The following UNC5A variants were observed in gnomAD, a reference collection of about 807,000 sequenced individuals.
The protein encoded by UNC5A is netrin receptor UNC5A.
Under a neutral mutation model 87.4 loss-of-function variants are expected in UNC5A, and 20 were observed. The observed-to-expected ratio is 0.23, with a 90% confidence interval of 0.16 to 0.33. The LOEUF is 0.33. Ranked by LOEUF, UNC5A falls within the 10% of genes least tolerant of loss-of-function variation. The probability of loss-of-function intolerance (pLI) is 1.00; values close to 1 mark genes in which losing one functional copy is unlikely to be tolerated. For synonymous variants in UNC5A, 438 were observed against 482.3 expected, an observed-to-expected ratio of 0.91 and a Z score of 1.20; for missense variants, 844 against 1,133.4, an observed-to-expected ratio of 0.74 and a Z score of 3.67.
At position 176,873,869 on chromosome 5, in the gene UNC5A, C is replaced by T. The variant is rs576598040; in HGVS notation, c.887-99C>T. On this transcript the variant is annotated intron_variant, in intron 6 of 14. Transcript: ENST00000329542. ...TGCTCCCTAGCTAGTGCAGATGCCC[C>T]GGGGTGCAGACCTCATCCTCCTGGG... The T allele has an allele frequency of 3.6e-5, 47 of 1,312,376 alleles. No homozygotes were observed. The South Asian group carries it at 4.6e-4, about 13-fold the overall frequency. The allele number at this position is 1,312,376 out of a possible 1,614,324, so 81.3% of individuals were successfully genotyped here.
At chr5:176,849,445 T>C (rs691029) in intron 1 of UNC5A, among the ~76,000 whole-genome samples, 20,557 of 151,956 alleles carry the variant, frequency 0.14, 2,908 homozygotes, top group African/African-American at 0.36. Context: ...ATTACCTGGG[T>C]GTTGTGGCAT....
chr5:176,862,226 C>T (rs1757858254), intron 1 of UNC5A, among the ~76,000 whole-genome samples: 1 of 152,184 alleles, frequency 6.6e-6, no homozygotes, highest in Non-Finnish European at 1.5e-5. Flanking sequence ...CTCCCTCCCT[C>T]GCCCCAGGCA....
intron 1 of UNC5A, among the ~76,000 whole-genome samples, chr5:176,826,671 T>C (rs1027918105): frequency 7.2e-6 from 1 of 139,346 alleles, no homozygotes; most frequent in African/African-American, 2.6e-5. Flanking sequence ...GAGACAGTCT[T>C]GCTCTGTTGC....
intron 1 of UNC5A, among the ~76,000 whole-genome samples, chr5:176,835,787 G>A (rs1757138341): frequency 6.6e-6 from 1 of 151,492 alleles, no homozygotes; most frequent in African/African-American, 2.4e-5. Flanking sequence ...CACATCCTAA[G>A]TATTCTGGGG....
chr5:176,811,071 C>T (rs1474254961), intron 1 of UNC5A, among the ~76,000 whole-genome samples: 5 of 152,170 alleles, frequency 3.3e-5, no homozygotes, highest in Admixed American at 6.5e-5. Flanking sequence ...GTAGACACCC[C>T]ACGCCTCCGG....
In UNC5A at chr5:176,848,180, C is replaced by T. The variant is rs945518418; in HGVS notation, c.71-14444C>T. 6.6e-6 allele frequency among the ~76,000 whole-genome samples: 1 copy of T among 152,084 alleles called. No homozygotes were observed. Among genetic ancestry groups the T allele is most frequent in the African/African-American group, 2.4e-5 (1 of 41,390 alleles). ...CGCCTCATTTCCACGTTAGCACCAC[C>T]GCCCCCCGCACCCAGATCCCTCCGC... On this transcript the variant is annotated intron_variant, in intron 1 of 14. Transcript: ENST00000329542. This position sits in a 1 kb window ranked among gnomAD's most constrained non-coding sequence, Gnocchi z 5.8.
Position 176,875,752 on chromosome 5 carries a change from G to A in UNC5A, c.1378+1186G>A, listed in dbSNP as rs1479122630. ...CCTCTTCCCTCACACACATCGTCCC[G>A]CACACGGCAGCCACCATGGACTCAA... On this transcript the variant is annotated intron_variant, in intron 8 of 14. Transcript: ENST00000329542. This position sits in a 1 kb window ranked among gnomAD's most constrained non-coding sequence, Gnocchi z 5.2. Among the ~76,000 whole-genome samples the A allele has an allele frequency of 1.3e-5, 2 of 151,910 alleles. No individual in the cohort carries two copies. Among genetic ancestry groups the A allele is most frequent in the Non-Finnish European group, 1.5e-5 (1 of 67,984 alleles).
In UNC5A at chr5:176,811,775, G is replaced by T. The variant is rs1044021490; in HGVS notation, c.70+955G>T. 6.6e-5 allele frequency among the ~76,000 whole-genome samples: 10 copies of T among 152,076 alleles called. No homozygotes were observed. The East Asian group carries it at 1.9e-3, about 29-fold the overall frequency. ...GGGTGCCATTTGTGTGGTCAAGGGG[G>T]CTTGAGGCTTACCCTGGCAATTCTC... On this transcript the variant is annotated intron_variant, in intron 1 of 14. Transcript: ENST00000329542.
intron 1 of UNC5A, among the ~76,000 whole-genome samples, chr5:176,832,651 C>A (rs1189612343): frequency 1.3e-5 from 2 of 152,132 alleles, no homozygotes; most frequent in Non-Finnish European, 2.9e-5. Flanking sequence ...TAAGTTGGGT[C>A]CACCTTATAC....
chr5:176,873,964 G>A lies in UNC5A; in HGVS notation c.887-4G>A, dbSNP rs1469477521. 1.9e-5 allele frequency: 31 copies of A among 1,611,838 alleles called. No individual in the cohort carries two copies. In the East Asian group the frequency reaches 2.9e-4, roughly 15 times the overall value. ...CCCCACCAAGGCCATGCTGTCTCCCGCAGCTGCTTCTGGCCCTGAGGACGT... is the reference window on the plus strand; with the variant it reads ...CCCCACCAAGGCCATGCTGTCTCCCACAGCTGCTTCTGGCCCTGAGGACGT... On this transcript the variant is annotated splice_region_variant and splice_polypyrimidine_tract_variant and intron_variant, in intron 6 of 14. Transcript: ENST00000329542.
At chr5:176,854,123 G>A (rs980366076) in intron 1 of UNC5A, among the ~76,000 whole-genome samples, 1 of 152,096 alleles carries the variant, frequency 6.6e-6, no homozygotes, top group Non-Finnish European at 1.5e-5. Context: ...ATGGCACCCC[G>A]TTGTTACCTC....
intron 1 of UNC5A, among the ~76,000 whole-genome samples, chr5:176,832,152 C>A (rs576098096): frequency 6.6e-6 from 1 of 152,322 alleles, no homozygotes; most frequent in African/African-American, 2.4e-5. Context: ...CCAGCTCAGC[C>A]TCCCAAAGTG....
In UNC5A at chr5:176,875,068, C is replaced by A. The variant is rs1035121547; in HGVS notation, c.1378+502C>A. Among the ~76,000 whole-genome samples, 3 of 152,192 alleles carry A rather than the reference C, an allele frequency of 2.0e-5. No individual in the cohort carries two copies. The highest frequency in any genetic ancestry group is 2.0e-4 in the Admixed American group (3 of 15,284). ...CCACTCCCACCCGAAATTCCCAAGT[C>A]CCTCAGCTTAGATGACCCCATGCGC... On this transcript the variant is annotated intron_variant, in intron 8 of 14. Transcript: ENST00000329542. The surrounding 1 kb of genome is among the most constrained non-coding windows in gnomAD (Gnocchi z 5.2).
intron 1 of UNC5A, among the ~76,000 whole-genome samples, chr5:176,850,440 G>A (rs1463245173): frequency 6.6e-6 from 1 of 152,056 alleles, no homozygotes; most frequent in East Asian, 1.9e-4. Flanking sequence ...GGGGGTGGAG[G>A]CTGGATGAGT....
chr5:176,812,388 A>G (rs1756481467), intron 1 of UNC5A, among the ~76,000 whole-genome samples: 1 of 152,160 alleles, frequency 6.6e-6, no homozygotes, highest in Admixed American at 6.5e-5. Context: ...CGCCCACGTG[A>G]GCACGTGTGA....
intron 1 of UNC5A, among the ~76,000 whole-genome samples, chr5:176,822,142 AT>A (rs1269906352): frequency 1.3e-5 from 2 of 152,244 alleles, no homozygotes; most frequent in Non-Finnish European, 2.9e-5. Flanking sequence ...GGCTGCAAGG[AT>A]TAAACGAGTC....
rs1758241943 is a variant in UNC5A, at chr5:176,875,534, CT to C, written c.1378+969del. ...GCTCCTGCCACCTCCTGCTCTTGTC[CT>C]CCCTTGCTGCCTCTCCTGACACGGG... On this transcript the variant is annotated intron_variant, in intron 8 of 14. Transcript: ENST00000329542. This position sits in a 1 kb window ranked among gnomAD's most constrained non-coding sequence, Gnocchi z 5.2. Among the ~76,000 whole-genome samples the C allele has an allele frequency of 6.6e-6, 1 of 152,136 alleles. No homozygotes were observed. Among genetic ancestry groups the C allele is most frequent in the African/African-American group, 2.4e-5 (1 of 41,414 alleles).
intron 8 of UNC5A, 43 bp from the exon 9 acceptor site, chr5:176,877,148 GC>G: frequency 1.3e-6 from 2 of 1,487,396 alleles, no homozygotes; most frequent in South Asian, 2.3e-5. Flanking sequence ...GGTGTTGGGT[GC>G]TTTGGCAGTG....
rs1346489173 is a variant in UNC5A at position 176,830,783 on chromosome 5, CGT to C, written c.70+19971_70+19972del. On this transcript the variant is annotated intron_variant, in intron 1 of 14. Coordinates refer to ENST00000329542, the MANE Select transcript of UNC5A (RefSeq NM_133369.3). ...GTGTGTGTAGGTGTGTGTGTACTGGCGTGTGTGTGCTGGCATGTGTGTGTGCG... is the reference window on the plus strand; with the variant it reads ...GTGTGTGTAGGTGTGTGTGTACTGGCGTGTGTGCTGGCATGTGTGTGTGCG... Among the ~76,000 whole-genome samples, 6 of 103,746 alleles carry C rather than the reference CGT, an allele frequency of 5.8e-5. No individual in the cohort carries two copies. In the South Asian group the frequency reaches 9.8e-4, roughly 17 times the overall value. The allele number at this position is 103,746 out of a possible 152,430, so 68.1% of individuals were successfully genotyped here.
Sources: gnomAD v4.1 joint callset for allele counts (sites outside exome capture counted in the v4.1 genomes callset) on GRCh38, gnomAD v4.1.1 for gene constraint, Gnocchi (gnomAD v3.1) non-coding constraint, MANE v1.5 for transcripts, NCBI Gene and HGNC (gene_info 2026-07-23, HGNC 2026-07-21) for gene names.